ERP44: variants seen among roughly 807,000 people sequenced by gnomAD.
ERP44 encodes the protein endoplasmic reticulum protein 44.
Under a neutral mutation model 53.4 loss-of-function variants are expected in ERP44, and 25 were observed. The observed-to-expected ratio is 0.47, with a 90% CI of 0.34 to 0.65. The LOEUF is 0.65. Ranked by LOEUF, ERP44 falls within the 30% of genes least tolerant of loss-of-function variation. The pLI is 0.01. For synonymous variants in ERP44, 145 were observed against 161.2 expected (o/e 0.90, Z 0.76); for missense variants, 338 against 493.2 (o/e 0.69, Z 2.98).
chr9:100,091,435 G>A (rs1826555148), intron 1 of ERP44, among the ~76,000 whole-genome samples: 2 of 152,190 alleles, frequency 1.3e-5, no homozygotes, highest in Non-Finnish European at 2.9e-5. Flanking sequence ...TTTTTGCTAA[G>A]TTGATAACAA....
rs565470150 is a variant in ERP44 at position 100,092,861 on chromosome 9, T to C, written c.57+5923A>G. ...CAAAAACACTCACTACTGATGAGAG[T>C]GTGAGGAAGTGGGCATAGTCACACA... On this transcript the variant is annotated intron_variant, in intron 1 of 11. Coordinates refer to ENST00000262455, the MANE Select transcript of ERP44 (RefSeq NM_015051.3). Among the ~76,000 whole-genome samples the C allele has an allele frequency of 1.4e-4, 22 of 152,226 alleles. No homozygotes were observed. The South Asian group carries it at 4.4e-3, about 30-fold the overall frequency.
chr9:100,032,315 C>T (rs2118673524), intron 4 of ERP44, among the ~76,000 whole-genome samples: 1 of 152,296 alleles, frequency 6.6e-6, no homozygotes, highest in Non-Finnish European at 1.5e-5. Context: ...ACTAGATCTT[C>T]TGTGTATTTA....
intron 10 of ERP44, among the ~76,000 whole-genome samples, chr9:99,994,714 G>A (rs1158500659): frequency 6.6e-6 from 1 of 151,612 alleles, no homozygotes; most frequent in Non-Finnish European, 1.5e-5. Context: ...CTCTTCCATG[G>A]CTCTATGTAC....
At chr9:100,056,743 A>G (rs1826091412) in intron 3 of ERP44, among the ~76,000 whole-genome samples, 1 of 152,144 alleles carries the variant, frequency 6.6e-6, no homozygotes, top group African/African-American at 2.4e-5. Flanking sequence ...CATGCCTCAC[A>G]GTCCAGTGAT....
chr9:100,000,330 C>T (rs1486021781), intron 10 of ERP44, among the ~76,000 whole-genome samples: 4 of 150,782 alleles, frequency 2.7e-5, no homozygotes, highest in Admixed American at 6.6e-5. Context: ...CCCACCTACT[C>T]GGGAGGCTTG....
At chr9:100,067,146 T>C (rs954052069) in intron 1 of ERP44, among the ~76,000 whole-genome samples, 9 of 149,038 alleles carry the variant, frequency 6.0e-5, no homozygotes, top group Middle Eastern at 3.4e-3. Context: ...AAACAACCGC[T>C]CTCGCTCTCG....
chr9:99,984,042 C>G (rs911319486), intron 11 of ERP44, among the ~76,000 whole-genome samples: 20 of 152,084 alleles, frequency 1.3e-4, no homozygotes, highest in Non-Finnish European at 2.6e-4. Context: ...GGGTTATAGC[C>G]AACAAGTTTG....
chr9:99,998,311 T>C, intron 10 of ERP44: 1 of 469,958 alleles, frequency 2.1e-6, no homozygotes, highest in Non-Finnish European at 4.0e-6. Context: ...TCATTCTGCC[T>C]CTTCCCTGTT....
intron 4 of ERP44, among the ~76,000 whole-genome samples, chr9:100,043,923 G>A (rs1397066396): frequency 6.6e-6 from 1 of 151,984 alleles, no homozygotes; most frequent in African/African-American, 2.4e-5. Context: ...GTATATTTTT[G>A]AGTACTAGAA....
At chr9:100,064,102 C>T (rs572454057) in intron 1 of ERP44, among the ~76,000 whole-genome samples, 2 of 152,300 alleles carry the variant, frequency 1.3e-5, no homozygotes, top group East Asian at 3.9e-4. Flanking sequence ...AGAGCACTTT[C>T]TATAGGGTGT....
intron 1 of ERP44, among the ~76,000 whole-genome samples, chr9:100,077,768 C>T (rs973039506): frequency 6.6e-6 from 1 of 152,162 alleles, no homozygotes; most frequent in Non-Finnish European, 1.5e-5. Context: ...CTGACCCAGA[C>T]TATGAAGATG....
chr9:100,083,442 T>C (rs887735542), intron 1 of ERP44, among the ~76,000 whole-genome samples: 6 of 152,162 alleles, frequency 3.9e-5, no homozygotes, highest in Admixed American at 1.3e-4. Context: ...GGGGGGTTGA[T>C]ATCAGCTACA....
intron 10 of ERP44, among the ~76,000 whole-genome samples, chr9:99,991,720 TC>T (rs945122380): frequency 9.9e-5 from 15 of 152,054 alleles, no homozygotes; most frequent in Non-Finnish European, 1.5e-4. Context: ...AATCAATGAA[TC>T]CAGGAGCTGG....
intron 10 of ERP44, among the ~76,000 whole-genome samples, chr9:99,990,686 G>C (rs533940591): frequency 2.0e-5 from 3 of 152,134 alleles, no homozygotes; most frequent in Admixed American, 6.5e-5. Flanking sequence ...AACGTAAATG[G>C]GCTAAATGCC....
chr9:100,057,392 C>A (rs1176777503), intron 3 of ERP44, among the ~76,000 whole-genome samples: 1 of 152,144 alleles, frequency 6.6e-6, no homozygotes, highest in Non-Finnish European at 1.5e-5. Flanking sequence ...GAAAGTGGTA[C>A]ATAGGGTACT....
chr9:100,091,807 C>T (rs999498642), intron 1 of ERP44, among the ~76,000 whole-genome samples: 3 of 152,154 alleles, frequency 2.0e-5, no homozygotes, highest in African/African-American at 7.2e-5. Flanking sequence ...TCTTAAAGTG[C>T]AGGTTCTGAT....
intron 5 of ERP44, among the ~76,000 whole-genome samples, chr9:100,021,497 A>G (rs1325002159): frequency 6.6e-6 from 1 of 152,208 alleles, no homozygotes; most frequent in African/African-American, 2.4e-5. Flanking sequence ...TTAGCTTGCA[A>G]GTAGGGTAAA....
chr9:100,004,410 G>C (rs1018900460), intron 10 of ERP44, among the ~76,000 whole-genome samples: 4 of 152,188 alleles, frequency 2.6e-5, no homozygotes, highest in African/African-American at 9.7e-5. Flanking sequence ...TGAGTCTGCT[G>C]GGCAGGCCTC....
Position 99,994,414 on chromosome 9 carries a change from A to C in ERP44, c.1017-9345T>G, listed in dbSNP as rs1012262441. Among the ~76,000 whole-genome samples the C allele has an allele frequency of 2.4e-5, 3 of 123,442 alleles. No homozygotes were observed. In the South Asian group the frequency reaches 1.2e-3, roughly 49 times the overall value. 81.0% of individuals were successfully genotyped at this position (123,442 alleles called of 152,430 possible). The stretch of plus-strand genomic sequence containing the variant: ...AACTATCCCAACAACAGAAAACCAA[A>C]CACTGCATGTTCTCACTCACAGGTG... On this transcript the variant is annotated intron_variant, in intron 10 of 11. Coordinates refer to ENST00000262455, the MANE Select transcript of ERP44 (RefSeq NM_015051.3).
Sources: gnomAD v4.1 joint callset for allele counts (sites outside exome capture counted in the v4.1 genomes callset) on GRCh38, gnomAD v4.1.1 for gene constraint, MANE v1.5 for transcripts, NCBI Gene and HGNC (gene_info 2026-07-23, HGNC 2026-07-21) for gene names.